SUCLA2: variants seen among roughly 807,000 people sequenced by gnomAD.
SUCLA2 encodes the protein succinate--CoA ligase [ADP-forming] subunit beta, mitochondrial.
In SUCLA2, 30 loss-of-function variants were observed where a neutral mutation model predicts 54.8. The ratio of observed to expected loss-of-function variants is 0.55; its 90% CI spans 0.41 to 0.74. SUCLA2 has a LOEUF of 0.74. Among genes scored for constraint, SUCLA2 ranks in the 30% least tolerant of loss-of-function variants. The pLI is 0.00. For missense variants in SUCLA2, 476 were observed against 562.9 expected (o/e 0.85, Z 1.56); for synonymous variants, 172 against 188.9 (o/e 0.91, Z 0.74).
intron 4 of SUCLA2, among the ~76,000 whole-genome samples, chr13:47,977,177 C>T (rs1414198742): frequency 6.6e-6 from 1 of 152,050 alleles, no homozygotes; most frequent in Non-Finnish European, 1.5e-5. Flanking sequence ...TATGTATCAA[C>T]AAATTGAATA....
rs537630952 is a variant in SUCLA2, at chr13:47,963,442, G to A, written c.802+5153C>T. Reference sequence around the variant, plus strand: ...GCGGATCACCTGAGGTCAAGAGTTTGAGACCAGCCTGGCTAACATGGAGAA... The same window carrying A: ...GCGGATCACCTGAGGTCAAGAGTTTAAGACCAGCCTGGCTAACATGGAGAA... On this transcript the variant is annotated intron_variant, in intron 6 of 10. Transcript: ENST00000646932. 2.0e-5 allele frequency among the ~76,000 whole-genome samples: 3 copies of A among 152,196 alleles called. No homozygotes were observed. In the East Asian group the frequency reaches 5.8e-4, roughly 29 times the overall value.
intron 2 of SUCLA2, among the ~76,000 whole-genome samples, chr13:47,990,900 C>T (rs1354370687): frequency 6.6e-6 from 1 of 152,194 alleles, no homozygotes; most frequent in African/African-American, 2.4e-5. Context: ...CTGATGTAAG[C>T]CTTCACCAGA....
rs771793708 is a variant in SUCLA2 at position 48,001,234 on chromosome 13, G to T, written c.36C>A (p.Ala12=). Residue 12 remains alanine, a synonymous_variant, in exon 1 of 11, where the codon GCC becomes GCA. Coordinates refer to ENST00000646932, the MANE Select transcript of SUCLA2 (RefSeq NM_003850.3). ...GCCGGTGGTTCCGAAGGGTGGCCAC[G>T]GCCACTAGCCTGCCGTAGAACATGG... ...AASMFYGRLV[A]VATLRNHRPR... is the part of the protein sequence containing the mutation. 1 of 1,606,100 alleles carries T rather than the reference G, an allele frequency of 6.2e-7. No homozygotes were observed. The highest frequency in any genetic ancestry group is 1.1e-5 in the South Asian group (1 of 89,914).
chr13:47,960,031 T>C (rs1949856192), intron 6 of SUCLA2, among the ~76,000 whole-genome samples: 1 of 152,124 alleles, frequency 6.6e-6, no homozygotes, highest in South Asian at 2.1e-4. Flanking sequence ...TTAAGGTTAT[T>C]GAATTGTGTA....
chr13:47,955,119 G>C (rs1023921249), intron 6 of SUCLA2, among the ~76,000 whole-genome samples: 6 of 152,154 alleles, frequency 3.9e-5, no homozygotes, highest in Non-Finnish European at 8.8e-5. Context: ...AATTAAAAGA[G>C]GGGTCTCAGA....
intron 6 of SUCLA2, 28 bp downstream of exon 6, chr13:47,968,567 T>A (rs1949937267): frequency 6.2e-7 from 1 of 1,610,540 alleles, no homozygotes; most frequent in African/African-American, 1.3e-5. Context: ...AAATGCATAA[T>A]CATGTTAGAC....
chr13:47,945,162 T>C (rs192462311), intron 10 of SUCLA2, among the ~76,000 whole-genome samples: 1,500 of 149,980 alleles, frequency 0.01, 9 homozygotes, highest in Non-Finnish European at 0.015. Flanking sequence ...GGCAGGAGGA[T>C]TGCTTGAACC....
chr13:47,986,408 ATT>A (rs969713822), intron 4 of SUCLA2, among the ~76,000 whole-genome samples: 1 of 152,024 alleles, frequency 6.6e-6, no homozygotes, highest in African/African-American at 2.4e-5. Context: ...TTTCTTGAAA[ATT>A]TGTTTTAAGT....
chr13:47,994,886 T>C, intron 2 of SUCLA2: 1 of 984,368 alleles, frequency 1.0e-6, no homozygotes, highest in Non-Finnish European at 1.2e-6. Flanking sequence ...TATTATTTCT[T>C]TCTTCTGTAC....
chr13:47,982,350 A>G (rs185599292), intron 4 of SUCLA2, among the ~76,000 whole-genome samples: 1 of 152,326 alleles, frequency 6.6e-6, no homozygotes, highest in East Asian at 1.9e-4. Context: ...ACAAAAAGAC[A>G]GCTACTTCAG....
At chr13:47,990,408 T>C (rs1030954641) in intron 2 of SUCLA2, among the ~76,000 whole-genome samples, 21 of 152,064 alleles carry the variant, frequency 1.4e-4, no homozygotes, top group African/African-American at 4.8e-4. Flanking sequence ...TTACACACTC[T>C]ATGCATGTAA....
In SUCLA2 at chr13:47,968,735, T is replaced by C. The variant is rs2137715722; in HGVS notation, c.664-2A>G. ...TGGAAATCCCATCTTCTGTGCAAGCTGAAATCAATATGTCTTTTTATTATA... is the reference window on the plus strand; with the variant it reads ...TGGAAATCCCATCTTCTGTGCAAGCCGAAATCAATATGTCTTTTTATTATA... On this transcript the variant is annotated splice_acceptor_variant, in intron 5 of 10. Coordinates refer to ENST00000646932, the MANE Select transcript of SUCLA2 (RefSeq NM_003850.3). LOFTEE classifies it high-confidence loss of function. 6.2e-7 allele frequency: 1 copy of C among 1,612,398 alleles called. No homozygotes were observed. Among genetic ancestry groups the C allele is most frequent in the South Asian group, 1.1e-5 (1 of 90,988 alleles).
At chr13:47,943,504 G>A (rs1331557700) in intron 10 of SUCLA2, 59 bp from the exon 11 acceptor site, 2 of 1,518,776 alleles carry the variant, frequency 1.3e-6, no homozygotes, top group East Asian at 2.3e-5. Flanking sequence ...ACAGGTCAGT[G>A]CAAAATTAAT....
chr13:47,995,728 G>A (rs1044165029), intron 2 of SUCLA2, among the ~76,000 whole-genome samples: 3 of 152,240 alleles, frequency 2.0e-5, no homozygotes, highest in Non-Finnish European at 4.4e-5. Context: ...ACGTAAAATT[G>A]GTGGGATTTA....
chr13:47,988,171 C>T, intron 4 of SUCLA2: 1 of 236,706 alleles, frequency 4.2e-6, no homozygotes, highest in East Asian at 8.5e-5. Flanking sequence ...AATGGATACA[C>T]ATTCTTCTAG....
chr13:47,985,799 T>C (rs1300502727), intron 4 of SUCLA2, among the ~76,000 whole-genome samples: 3 of 152,194 alleles, frequency 2.0e-5, no homozygotes, highest in Non-Finnish European at 2.9e-5. Flanking sequence ...TCTAGGTCTT[T>C]GAGGAATTGC....
At chr13:47,975,599 A>AGAG in intron 4 of SUCLA2, among the ~76,000 whole-genome samples, 1 of 151,974 alleles carries the variant, frequency 6.6e-6, no homozygotes, top group Non-Finnish European at 1.5e-5. Flanking sequence ...AAAATTAAAA[A>AGAG]GAAGAATCTA....
chr13:47,968,102 T>C (rs137932784), intron 6 of SUCLA2, among the ~76,000 whole-genome samples: 16 of 152,286 alleles, frequency 1.1e-4, no homozygotes, highest in African/African-American at 2.9e-4. Context: ...GATAGCTAAT[T>C]CCATAAAATT....
At chr13:47,976,064 T>C (rs1231078344) in intron 4 of SUCLA2, among the ~76,000 whole-genome samples, 1 of 152,104 alleles carries the variant, frequency 6.6e-6, no homozygotes. Flanking sequence ...CTGGGCAACA[T>C]AGTGAGAACC....
Sources: allele counts gnomAD v4.1 joint callset (sites outside exome capture counted in the v4.1 genomes callset), GRCh38; gene constraint gnomAD v4.1.1; transcripts MANE v1.5; gene names NCBI Gene and HGNC (gene_info 2026-07-23, HGNC 2026-07-21).